Variants in RORA observed in about 807,000 individuals in gnomAD.
The protein encoded by RORA is nuclear receptor ROR-alpha.
RORA carries 7 observed loss-of-function variants against 69.5 expected under a neutral mutation model. The observed-to-expected ratio is 0.10, with a 90% CI of 0.06 to 0.19. The LOEUF is 0.19. Among genes scored for constraint, RORA ranks in the 10% least tolerant of loss-of-function variants. RORA has a pLI of 1.00. For synonymous variants in RORA, 261 were observed against 240.8 expected, an observed-to-expected ratio of 1.08 and a Z score of -0.78; for missense variants, 457 against 663.0, an observed-to-expected ratio of 0.69 and a Z score of 3.41.
intron 1 of RORA, among the ~76,000 whole-genome samples, chr15:61,118,796 T>C (rs1566997511): frequency 6.6e-6 from 1 of 151,690 alleles, no homozygotes; most frequent in Non-Finnish European, 1.5e-5. Flanking sequence ...AGAAAGGAAA[T>C]AAAATCCACA....
chr15:61,102,484 T>C (rs1045247394), intron 1 of RORA, among the ~76,000 whole-genome samples: 1 of 152,232 alleles, frequency 6.6e-6, no homozygotes, highest in Non-Finnish European at 1.5e-5. Flanking sequence ...TCGTTTTTGC[T>C]CTGTATTCCC....
intron 1 of RORA, among the ~76,000 whole-genome samples, chr15:61,172,058 T>C (rs563469182): frequency 1.3e-4 from 20 of 152,304 alleles, no homozygotes; most frequent in African/African-American, 4.1e-4. Context: ...AGGGGACCAG[T>C]TGCAGTGAGA....
chr15:60,668,764 C>T (rs1275237624), intron 2 of RORA, among the ~76,000 whole-genome samples: 1 of 152,216 alleles, frequency 6.6e-6, no homozygotes, highest in South Asian at 2.1e-4. Context: ...ATTCATTATA[C>T]TGGAGACTAA....
intron 1 of RORA, among the ~76,000 whole-genome samples, chr15:60,880,915 T>C (rs573018205): frequency 6.6e-6 from 1 of 152,266 alleles, no homozygotes; most frequent in South Asian, 2.1e-4. Context: ...GTGAGGCAGG[T>C]ACTAATCTAC....
intron 1 of RORA, among the ~76,000 whole-genome samples, chr15:60,718,812 C>T (rs1306917654): frequency 1.3e-5 from 2 of 152,172 alleles, no homozygotes; most frequent in African/African-American, 4.8e-5. Flanking sequence ...GTGCCTTTCA[C>T]TGATGAAAAT....
intron 1 of RORA, among the ~76,000 whole-genome samples, chr15:60,800,979 G>T (rs1167343292): frequency 6.6e-6 from 1 of 152,228 alleles, no homozygotes; most frequent in Non-Finnish European, 1.5e-5. Flanking sequence ...GGCACACAGC[G>T]ATTGATTGCT....
intron 1 of RORA, among the ~76,000 whole-genome samples, chr15:61,201,500 AC>A (rs1567035348): frequency 6.6e-6 from 1 of 152,208 alleles, no homozygotes. Flanking sequence ...TCATTCCCTG[AC>A]AGTAATTGGG....
chr15:61,218,385 G>C (rs1433826107), intron 1 of RORA, among the ~76,000 whole-genome samples: 1 of 152,022 alleles, frequency 6.6e-6, no homozygotes, highest in Non-Finnish European at 1.5e-5. Context: ...CTTTGGCCCG[G>C]TAAACTTGAC....
intron 1 of RORA, among the ~76,000 whole-genome samples, chr15:60,703,263 C>T (rs756705220): frequency 9.2e-5 from 14 of 152,090 alleles, no homozygotes; most frequent in Non-Finnish European, 1.9e-4. Flanking sequence ...CTCATTAAGT[C>T]GCAGGGTTAA....
chr15:61,008,061 T>C (rs12437805), intron 1 of RORA, among the ~76,000 whole-genome samples: 2,990 of 152,116 alleles, frequency 0.02, 193 homozygotes, highest in East Asian at 0.19. Flanking sequence ...ACAAGTTTTA[T>C]TTTTAAATGT....
chr15:61,063,642 A>C (rs2078217424), intron 1 of RORA, among the ~76,000 whole-genome samples: 1 of 152,242 alleles, frequency 6.6e-6, no homozygotes, highest in South Asian at 2.1e-4. Flanking sequence ...CTAAAGGCTC[A>C]GTCTCTTCAT....
chr15:60,843,996 C>CT (rs1555457552), intron 1 of RORA, among the ~76,000 whole-genome samples: 3,294 of 151,956 alleles, frequency 0.022, 121 homozygotes, highest in African/African-American at 0.075. Context: ...TCTTCATTTA[C>CT]TTTTTTTTTG....
At chr15:61,070,452 A>C (rs2078325057) in intron 1 of RORA, among the ~76,000 whole-genome samples, 1 of 152,230 alleles carries the variant, frequency 6.6e-6, no homozygotes, top group African/African-American at 2.4e-5. Context: ...CATCTCCTTA[A>C]GAAGTCTCAA....
chr15:60,900,595 T>C (rs8036893), intron 1 of RORA, among the ~76,000 whole-genome samples: 97,989 of 151,930 alleles, frequency 0.64, 32,034 homozygotes, highest in African/African-American at 0.69. Flanking sequence ...CCATATGGGC[T>C]GGGTGCAGTG....
chr15:60,547,350 G>A (rs749430038), intron 2 of RORA, among the ~76,000 whole-genome samples: 14 of 149,284 alleles, frequency 9.4e-5, no homozygotes, highest in Non-Finnish European at 1.6e-4. Context: ...TAAAGATAGG[G>A]TCTCGCTCTG....
intron 1 of RORA, among the ~76,000 whole-genome samples, chr15:61,080,045 C>T (rs1386243510): frequency 2.0e-5 from 3 of 152,142 alleles, no homozygotes; most frequent in Non-Finnish European, 2.9e-5. Context: ...GAATCAAGGA[C>T]CTAGCACACA....
chr15:60,988,009 C>T (rs973396700), intron 1 of RORA, among the ~76,000 whole-genome samples: 3 of 152,332 alleles, frequency 2.0e-5, no homozygotes, highest in Non-Finnish European at 4.4e-5. Flanking sequence ...TTCGTGGCAG[C>T]TTGGCCTGCT....
intron 1 of RORA, among the ~76,000 whole-genome samples, chr15:60,786,339 C>T (rs2072333687): frequency 6.6e-6 from 1 of 152,206 alleles, no homozygotes; most frequent in Non-Finnish European, 1.5e-5. Flanking sequence ...AACAAAAATG[C>T]CTCAAAAAGA....
chr15:60,511,220 C>T lies in RORA; in HGVS notation c.820+6G>A. The stretch of plus-strand genomic sequence containing the variant: ...AGCATCCCAGGAGAAGCATGCATGC[C>T]ATTACCTAATTCTGCCATGGACACA... On this transcript the variant is annotated splice_donor_region_variant and intron_variant, in intron 5 of 10. Transcript: ENST00000335670. This position sits in a 1 kb window ranked among gnomAD's most constrained non-coding sequence, Gnocchi z 6.4. 2 of 1,607,608 alleles carry T rather than the reference C, an allele frequency of 1.2e-6. No individual in the cohort carries two copies. The highest frequency in any genetic ancestry group is 1.7e-6 in the Non-Finnish European group (2 of 1,176,650).
Sources: allele counts gnomAD v4.1 joint callset (sites outside exome capture counted in the v4.1 genomes callset), GRCh38; gene constraint gnomAD v4.1.1; non-coding constraint Gnocchi (gnomAD v3.1); transcripts MANE v1.5; gene names NCBI Gene and HGNC (gene_info 2026-07-23, HGNC 2026-07-21).